POT1: variants seen among roughly 807,000 people sequenced by gnomAD.
POT1 encodes protection of telomeres 1.
A neutral mutation model predicts 78.5 loss-of-function variants in POT1; 47 were observed. That is an observed-to-expected ratio of 0.60 (90% CI 0.47 to 0.76). The LOEUF (loss-of-function observed/expected upper bound fraction) is 0.76. POT1 is among the 30% of genes least tolerant of loss of function. The probability of loss-of-function intolerance (pLI) is 0.00; values close to 1 mark genes in which losing one functional copy is unlikely to be tolerated. For missense variants in POT1, 646 were observed against 749.9 expected (o/e 0.86, Z 1.62); for synonymous variants, 259 against 260.7 (o/e 0.99, Z 0.06).
intron 6 of POT1, among the ~76,000 whole-genome samples, chr7:124,889,146 GTGC>G (rs1796310937): frequency 6.6e-6 from 1 of 152,000 alleles, no homozygotes; most frequent in African/African-American, 2.4e-5. Context: ...GAAATTAAAG[GTGC>G]TACTTTAGTG....
At chr7:124,866,761 C>G (rs554499387) in intron 7 of POT1, among the ~76,000 whole-genome samples, 1 of 152,168 alleles carries the variant, frequency 6.6e-6, no homozygotes. Flanking sequence ...CTGATCATAG[C>G]TACCCATTGT....
intron 6 of POT1, among the ~76,000 whole-genome samples, chr7:124,875,317 C>A (rs1463994792): frequency 2.0e-5 from 3 of 151,958 alleles, no homozygotes; most frequent in Admixed American, 6.6e-5. Context: ...TTAATTATTT[C>A]TGTGTACACT....
chr7:124,828,921 T>C (rs1207627705), intron 16 of POT1: 1 of 573,164 alleles, frequency 1.7e-6, no homozygotes, highest in Non-Finnish European at 3.4e-6. Flanking sequence ...TTCACTCTAT[T>C]CTGAATTGGC....
intron 6 of POT1, among the ~76,000 whole-genome samples, chr7:124,877,852 A>AAAAAG (rs1796027909): frequency 1.5e-5 from 1 of 64,830 alleles, no homozygotes; most frequent in African/African-American, 7.0e-5. Context: ...AAAAAAAAAA[A>AAAAAG]AAAAAAAAAA....
intron 12 of POT1, among the ~76,000 whole-genome samples, chr7:124,845,263 T>G (rs1249743068): frequency 6.6e-6 from 1 of 152,246 alleles, no homozygotes; most frequent in Non-Finnish European, 1.5e-5. Context: ...GTATCACATT[T>G]AATTCTCATG....
chr7:124,903,295 T>C (rs1161850023), intron 3 of POT1, among the ~76,000 whole-genome samples: 2 of 152,150 alleles, frequency 1.3e-5, no homozygotes, highest in African/African-American at 2.4e-5. Context: ...TCAGCAAATA[T>C]AAAAGAACAG....
chr7:124,902,869 G>C (rs1183506289), intron 3 of POT1, among the ~76,000 whole-genome samples: 1 of 152,104 alleles, frequency 6.6e-6, no homozygotes, highest in Non-Finnish European at 1.5e-5. Context: ...AGCAGGAGTT[G>C]CAATCCTAGT....
intron 8 of POT1, among the ~76,000 whole-genome samples, chr7:124,862,427 T>C (rs28611257): frequency 9.4e-4 from 143 of 152,304 alleles, no homozygotes; most frequent in African/African-American, 3.2e-3. Context: ...CTAAGTTTGT[T>C]TGATTTTATA....
intron 5 of POT1, among the ~76,000 whole-genome samples, chr7:124,895,558 CTTCA>C (rs971614456): frequency 1.5e-5 from 2 of 133,710 alleles, no homozygotes; most frequent in African/African-American, 2.8e-5. Context: ...TCTGTCCTTC[CTTCA>C]TTCATTCATT....
chr7:124,835,686 G>C (rs1051555670), intron 14 of POT1, among the ~76,000 whole-genome samples: 1 of 152,010 alleles, frequency 6.6e-6, no homozygotes, highest in Non-Finnish European at 1.5e-5. Flanking sequence ...CTTTATTTCA[G>C]GAACACTTTG....
chr7:124,867,647 T>A (rs982079051), intron 7 of POT1, among the ~76,000 whole-genome samples: 10 of 151,962 alleles, frequency 6.6e-5, no homozygotes, highest in African/African-American at 2.4e-4. Context: ...TATTTATTTA[T>A]TTATTTATTA....
At chr7:124,873,396 C>T (rs9886177) in intron 6 of POT1, among the ~76,000 whole-genome samples, 91,425 of 152,044 alleles carry the variant, frequency 0.6, 27,615 homozygotes, top group African/African-American at 0.65. Flanking sequence ...ATTCTGCTAA[C>T]AAACATTTTG....
intron 5 of POT1, among the ~76,000 whole-genome samples, chr7:124,894,035 A>C (rs1796435470): frequency 6.6e-6 from 1 of 151,630 alleles, no homozygotes; most frequent in Non-Finnish European, 1.5e-5. Context: ...AAAGTGGTTT[A>C]CAAGGACATG....
chr7:124,901,387 G>C (rs1037593204), intron 3 of POT1, among the ~76,000 whole-genome samples: 4 of 152,132 alleles, frequency 2.6e-5, no homozygotes, highest in Non-Finnish European at 4.4e-5. Context: ...AGGCAAACAG[G>C]GTCTGGAGTT....
intron 5 of POT1, among the ~76,000 whole-genome samples, chr7:124,894,009 T>C (rs928344820): frequency 1.3e-5 from 2 of 151,350 alleles, no homozygotes; most frequent in African/African-American, 2.4e-5. Context: ...TGTGAATAAG[T>C]TGGGAAAGAA....
In POT1 at chr7:124,863,436, A is replaced by C; in HGVS notation, c.460T>G (p.Cys154Gly). 6.2e-7 allele frequency: 1 copy of C among 1,613,954 alleles called. No homozygotes were observed. The highest frequency in any genetic ancestry group is 8.5e-7 in the Non-Finnish European group (1 of 1,179,850). The change falls in exon 8 of 19, where the codon TGT becomes GGT. Residue 154 changes from cysteine to glycine, a missense_variant. This residue lies in a region of POT1 where 252 missense variants were observed against 341.4 expected (regional missense o/e 0.74). Transcript: ENST00000357628. ...AAATACTGCATTGGCTGAACATCACACAATTTTAGTAATGTCCAAGACGGT... is the reference window on the plus strand; with the variant it reads ...AAATACTGCATTGGCTGAACATCACCCAATTTTAGTAATGTCCAAGACGGT... ...MSPSWTLLKL[C>G]DVQPMQYFDL...
chr7:124,872,788 A>T (rs568613258), intron 6 of POT1, among the ~76,000 whole-genome samples: 12 of 152,296 alleles, frequency 7.9e-5, no homozygotes, highest in African/African-American at 2.9e-4. Context: ...TTGGAAGAAC[A>T]TTTATATGTT....
At chr7:124,906,062 T>C (rs771630411) in intron 3 of POT1, among the ~76,000 whole-genome samples, 26 of 152,130 alleles carry the variant, frequency 1.7e-4, no homozygotes, top group African/African-American at 3.1e-4. Flanking sequence ...AGTTCAACCA[T>C]TGGGGAAGAC....
chr7:124,870,978 C>T lies in POT1; in HGVS notation c.188G>A (p.Ser63Asn), dbSNP rs1584777788. The change falls in exon 7 of 19, where the codon AGT becomes AAT. Residue 63 changes from serine to asparagine, a missense_variant. Around this residue, in one of 2 missense-constraint regions of POT1, gnomAD observed 252 missense variants for 341.4 expected, o/e 0.74. Coordinates refer to ENST00000357628, the MANE Select transcript of POT1 (RefSeq NM_015450.3). ...TNVKLTCLLF[S>N]GNYEALPIIY... ...TATTGGAAGGGCTTCATAGTTTCCACTAAAGAGCAGGCAAGTTAGTTTTAC... is the reference window on the plus strand; with the variant it reads ...TATTGGAAGGGCTTCATAGTTTCCATTAAAGAGCAGGCAAGTTAGTTTTAC... The T allele has an allele frequency of 6.2e-7, 1 of 1,610,732 alleles. No homozygotes were observed. The highest frequency in any genetic ancestry group is 8.5e-7 in the Non-Finnish European group (1 of 1,177,936).
Sources: allele counts gnomAD v4.1 joint callset (sites outside exome capture counted in the v4.1 genomes callset), GRCh38; gene constraint gnomAD v4.1.1; regional missense constraint gnomAD v4.1.1; transcripts MANE v1.5; gene names NCBI Gene and HGNC (gene_info 2026-07-23, HGNC 2026-07-21).